Variants in ARHGAP8 observed in about 807,000 individuals in gnomAD.
ARHGAP8 encodes Rho GTPase activating protein 8.
In ARHGAP8, 62 loss-of-function variants were observed where a neutral mutation model predicts 46.1. The ratio of observed to expected loss-of-function variants is 1.34; its 90% CI spans 1.10 to 1.66. The LOEUF is 1.66. Ranked by LOEUF, ARHGAP8 falls within the 40% of genes most tolerant of loss-of-function variation. The pLI is 0.00. For synonymous variants in ARHGAP8, 375 were observed against 243.1 expected, an observed-to-expected ratio of 1.54 and a Z score of -5.05; for missense variants, 923 against 568.4, an observed-to-expected ratio of 1.62 and a Z score of -6.34.
rs537910689 is a variant in ARHGAP8, at chr22:44,824,248, C to T, written c.486-1235C>T. ...CCAATCTGTAAAGTAGACAAAATAA[C>T]CCCTCTACAGTAGGCCCCTCATGAG... On this transcript the variant is annotated intron_variant, in intron 6 of 11. Coordinates refer to ENST00000356099, the MANE Select transcript of ARHGAP8 (RefSeq NM_181335.3). Among the ~76,000 whole-genome samples the T allele has an allele frequency of 2.6e-5, 4 of 152,310 alleles. No homozygotes were observed. In the East Asian group the frequency reaches 5.8e-4, roughly 22 times the overall value.
At chr22:44,848,400 C>T (rs570256743) in intron 9 of ARHGAP8, among the ~76,000 whole-genome samples, 3 of 152,342 alleles carry the variant, frequency 2.0e-5, no homozygotes, top group East Asian at 3.9e-4. Flanking sequence ...TGGCTCAGCA[C>T]GGCTTCCTTA....
intron 2 of ARHGAP8, among the ~76,000 whole-genome samples, chr22:44,795,642 C>T (rs1928028195): frequency 1.3e-5 from 2 of 152,166 alleles, no homozygotes; most frequent in South Asian, 4.1e-4. Flanking sequence ...AGAGGGGAGC[C>T]CCCTGGTTTG....
chr22:44,853,867 A>G (rs936172826), intron 10 of ARHGAP8, among the ~76,000 whole-genome samples: 2 of 151,632 alleles, frequency 1.3e-5, no homozygotes, highest in African/African-American at 4.8e-5. Flanking sequence ...ATCTCTACTA[A>G]AAATACAGAA....
intron 1 of ARHGAP8, among the ~76,000 whole-genome samples, chr22:44,761,887 C>T (rs1034132426): frequency 3.3e-5 from 5 of 152,172 alleles, no homozygotes; most frequent in South Asian, 2.1e-4. Flanking sequence ...GAGTGAGAAC[C>T]AAGCAAAAGG....
rs370486223 is a variant in ARHGAP8, at chr22:44,795,936, G to A, written c.80-6141G>A. ...TCCTCCTGTGTCCTCTCCCCTGTAA[G>A]TGGCCTTGCCACTGTCCCTGGGATC... On this transcript the variant is annotated intron_variant, in intron 2 of 11. Coordinates refer to ENST00000356099, the MANE Select transcript of ARHGAP8 (RefSeq NM_181335.3). Among the ~76,000 whole-genome samples the A allele has an allele frequency of 2.6e-5, 4 of 152,184 alleles. No individual in the cohort carries two copies. The South Asian group carries it at 8.3e-4, about 32-fold the overall frequency.
chr22:44,767,984 CTTTTTTTTTTTT>C (rs1167255172), intron 1 of ARHGAP8, among the ~76,000 whole-genome samples: 5 of 47,252 alleles, frequency 1.1e-4, no homozygotes, highest in South Asian at 1.1e-3. Flanking sequence ...CGCATGATGT[CTTTTTTTTTTTT>C]TTTTTTTTTT....
chr22:44,856,787 G>A lies in ARHGAP8; in HGVS notation c.878-2944G>A, dbSNP rs972844228. Among the ~76,000 whole-genome samples the A allele has an allele frequency of 1.5e-4, 21 of 143,770 alleles. 4 individuals are homozygous for A. Among genetic ancestry groups the A allele is most frequent in the Admixed American group, 1.4e-3 (21 of 14,814 alleles). The allele number at this position is 143,770 out of a possible 152,430, so 94.3% of individuals were successfully genotyped here. A position where few individuals can be genotyped will look rare whatever the true frequency, so the allele number is the denominator to read the frequency against. ...GGCTGAAGATCACCGAGGACTCCTC[G>A]AGATCAGATGCGCTGAAGTCAAAAC... On this transcript the variant is annotated intron_variant, in intron 10 of 11. Coordinates refer to ENST00000356099, the MANE Select transcript of ARHGAP8 (RefSeq NM_181335.3).
rs1318403801 is a variant in ARHGAP8 at position 44,802,142 on chromosome 22, C to A, written c.145C>A (p.Leu49Met). The change falls in exon 3 of 12, where the codon CTG becomes ATG. Residue 49 changes from leucine (L) to methionine (M), a missense_variant. Leu to Met is a conservative substitution (Grantham distance 15). Coordinates refer to ENST00000356099, the MANE Select transcript of ARHGAP8 (RefSeq NM_181335.3). The part of the protein sequence containing the change: ...SCCRMPPSHE[L>M]DHQRLLEYLK... ...CTGCCGGATGCCACCCTCCCACGAG[C>A]TGGACCACCAGCGGCTGCTGGAGTA... 1 of 1,614,130 alleles carries A rather than the reference C, an allele frequency of 6.2e-7. No individual in the cohort carries two copies. Among genetic ancestry groups the A allele is most frequent in the South Asian group, 1.1e-5 (1 of 91,082 alleles).
At chr22:44,846,765 G>A (rs2069967139) in intron 8 of ARHGAP8, among the ~76,000 whole-genome samples, 2 of 152,116 alleles carry the variant, frequency 1.3e-5, no homozygotes, top group African/African-American at 4.8e-5. Flanking sequence ...CAGACTCTGG[G>A]GATATCAAAG....
chr22:44,762,181 T>G (rs1320918467), intron 1 of ARHGAP8, among the ~76,000 whole-genome samples: 1 of 152,210 alleles, frequency 6.6e-6, no homozygotes, highest in African/African-American at 2.4e-5. Context: ...TTTGTGCCTG[T>G]GATCCCAGTG....
At chr22:44,841,955 T>C (rs1452793560) in intron 7 of ARHGAP8, among the ~76,000 whole-genome samples, 2 of 152,174 alleles carry the variant, frequency 1.3e-5, no homozygotes, top group Non-Finnish European at 2.9e-5. Context: ...TGGCTCCTGA[T>C]CAGCACCAGG....
intron 4 of ARHGAP8, among the ~76,000 whole-genome samples, chr22:44,810,127 C>T (rs895726619): frequency 2.0e-5 from 3 of 152,126 alleles, no homozygotes; most frequent in Admixed American, 2.0e-4. Flanking sequence ...GACACCAATC[C>T]TAGCTAGCAC....
At chr22:44,814,873 T>C (rs1929622688) in intron 5 of ARHGAP8, 115 bp downstream of exon 5, 5 of 1,264,354 alleles carry the variant, frequency 4.0e-6, no homozygotes, top group Non-Finnish European at 4.4e-6. Flanking sequence ...AGGGTGCCTG[T>C]GTATCTGGGG....
At chr22:44,760,930 A>G (rs981134424) in intron 1 of ARHGAP8, among the ~76,000 whole-genome samples, 15 of 151,688 alleles carry the variant, frequency 9.9e-5, no homozygotes, top group African/African-American at 3.6e-4. Flanking sequence ...GTCGGGAGGG[A>G]GTTGAGGCAT....
intron 1 of ARHGAP8, among the ~76,000 whole-genome samples, chr22:44,777,005 C>T (rs139757263): frequency 2.5e-3 from 382 of 152,258 alleles, no homozygotes; most frequent in African/African-American, 8.9e-3. Flanking sequence ...CTGGGACCGG[C>T]TTTTTGCCCT....
intron 1 of ARHGAP8, among the ~76,000 whole-genome samples, chr22:44,776,971 C>T (rs1451201514): frequency 6.6e-6 from 1 of 152,124 alleles, no homozygotes; most frequent in Non-Finnish European, 1.5e-5. Context: ...ACCTGCTCCT[C>T]CTGCAATGCT....
chr22:44,772,329 T>G (rs1343549615), intron 1 of ARHGAP8, among the ~76,000 whole-genome samples: 1 of 136,740 alleles, frequency 7.3e-6, no homozygotes, highest in African/African-American at 2.7e-5. Context: ...ACTGATTGAC[T>G]TTTTTTTTGT....
intron 7 of ARHGAP8, among the ~76,000 whole-genome samples, chr22:44,834,387 C>T (rs986302710): frequency 1.3e-5 from 2 of 151,706 alleles, no homozygotes; most frequent in African/African-American, 4.8e-5. Context: ...TTCTTTGATT[C>T]ATTGATTTCT....
intron 1 of ARHGAP8, among the ~76,000 whole-genome samples, chr22:44,761,545 G>T (rs938904916): frequency 6.6e-6 from 1 of 152,190 alleles, no homozygotes; most frequent in Non-Finnish European, 1.5e-5. Context: ...TTCAGCAGGG[G>T]CTTGAGCATC....
Sources: allele counts gnomAD v4.1 joint callset (sites outside exome capture counted in the v4.1 genomes callset), GRCh38; gene constraint gnomAD v4.1.1; transcripts MANE v1.5; gene names NCBI Gene and HGNC (gene_info 2026-07-23, HGNC 2026-07-21).